CPS1: variants seen among roughly 807,000 people sequenced by gnomAD.
CPS1 encodes the protein carbamoyl-phosphate synthase [ammonia], mitochondrial.
In CPS1, 109 loss-of-function variants were observed where a neutral mutation model predicts 174.6. The observed-to-expected ratio is 0.62, with a 90% CI of 0.53 to 0.73. CPS1 has a LOEUF of 0.73. Among genes scored for constraint, CPS1 ranks in the 30% least tolerant of loss-of-function variants. The pLI, the probability that CPS1 is intolerant of heterozygous loss-of-function variation, is 0.00. For missense variants in CPS1, 1,689 were observed against 1,821.9 expected (o/e 0.93, Z 1.33); for synonymous variants, 637 against 632.0 (o/e 1.01, Z -0.12).
At chr2:210,538,662 T>G (rs1696322546) in intron 1 of CPS1, among the ~76,000 whole-genome samples, 1 of 152,262 alleles carries the variant, frequency 6.6e-6, no homozygotes, top group Non-Finnish European at 1.5e-5. Flanking sequence ...ACTTATTAAC[T>G]TTCAAATTAT....
chr2:210,493,963 G>A (rs1159555046), intron 1 of CPS1, among the ~76,000 whole-genome samples: 1 of 152,152 alleles, frequency 6.6e-6, no homozygotes, highest in Non-Finnish European at 1.5e-5. Context: ...CATCCATCAT[G>A]GTGTCATGTT....
At position 210,642,551 on chromosome 2, in the gene CPS1, G is replaced by T. The variant is rs879257879; in HGVS notation, c.3027G>T (p.Lys1009Asn). ...SIRTLRQLGK[K>N]TVVVNCNPET... ...GCACACTGCGTCAACTTGGCAAGAA[G>T]ACGGTGGTGGTGAATTGCAATCCTG... The change falls in exon 25 of 38, where the codon AAG becomes AAT. Residue 1009 changes from lysine to asparagine, a missense_variant. Lys to Asn is a moderately conservative substitution (Grantham distance 94). Transcript: ENST00000233072. 5.6e-6 allele frequency: 9 copies of T among 1,613,944 alleles called. No homozygotes were observed. The highest frequency in any genetic ancestry group is 7.6e-6 in the Non-Finnish European group (9 of 1,179,946).
chr2:210,511,058 G>T (rs1438214984), intron 1 of CPS1, among the ~76,000 whole-genome samples: 5 of 151,938 alleles, frequency 3.3e-5, no homozygotes, highest in African/African-American at 1.2e-4. Flanking sequence ...TATAAATCAT[G>T]CTGCTATAAA....
At chr2:210,662,675 A>T (rs1280653987) in intron 32 of CPS1, among the ~76,000 whole-genome samples, 1 of 152,266 alleles carries the variant, frequency 6.6e-6, no homozygotes, top group East Asian at 1.9e-4. Context: ...TGGCTTACAG[A>T]CAGCCATTTC....
At chr2:210,510,677 C>A (rs189359016) in intron 1 of CPS1, among the ~76,000 whole-genome samples, 2,416 of 151,944 alleles carry the variant, frequency 0.016, 51 homozygotes, top group African/African-American at 0.05. Flanking sequence ...AGAACTCAAA[C>A]AAATTTACAA....
At chr2:210,557,832 G>T (rs1328418303) in intron 1 of CPS1, among the ~76,000 whole-genome samples, 5 of 152,032 alleles carry the variant, frequency 3.3e-5, no homozygotes, top group Non-Finnish European at 1.5e-5. Context: ...CATGCTCATT[G>T]AGTTGACTAA....
At chr2:210,517,714 G>A (rs1695719140) in intron 1 of CPS1, among the ~76,000 whole-genome samples, 1 of 151,840 alleles carries the variant, frequency 6.6e-6, no homozygotes, top group African/African-American at 2.4e-5. Flanking sequence ...TTTTGTATCT[G>A]AATAATCACA....
intron 1 of CPS1, among the ~76,000 whole-genome samples, chr2:210,501,509 A>T (rs999396032): frequency 4.6e-4 from 70 of 152,290 alleles, no homozygotes; most frequent in African/African-American, 1.4e-3. Context: ...TTTGCTGCTT[A>T]GAAATTTCTT....
intron 1 of CPS1, among the ~76,000 whole-genome samples, chr2:210,533,846 T>G (rs968169282): frequency 5.9e-5 from 9 of 152,176 alleles, no homozygotes; most frequent in African/African-American, 1.9e-4. Flanking sequence ...AAATGATCAT[T>G]CATAAACACT....
intron 1 of CPS1, among the ~76,000 whole-genome samples, chr2:210,504,118 A>C (rs958746202): frequency 6.6e-6 from 1 of 152,138 alleles, no homozygotes; most frequent in South Asian, 2.1e-4. Flanking sequence ...GTGCCAGGAT[A>C]TACCACTGTG....
At chr2:210,632,068 T>C (rs1398468744) in intron 21 of CPS1, among the ~76,000 whole-genome samples, 1 of 152,232 alleles carries the variant, frequency 6.6e-6, no homozygotes, top group Non-Finnish European at 1.5e-5. Context: ...TCAGTATTTA[T>C]ATTTCTTTTA....
chr2:210,613,745 C>T (rs772083044), intron 20 of CPS1, among the ~76,000 whole-genome samples: 14 of 151,896 alleles, frequency 9.2e-5, no homozygotes, highest in Non-Finnish European at 1.6e-4. Context: ...TTCTAACAGA[C>T]TTATAAAAGA....
chr2:210,579,808 G>T (rs753395646), intron 5 of CPS1, 38 bp downstream of exon 5: 1 of 1,526,664 alleles, frequency 6.6e-7, no homozygotes. Flanking sequence ...ATGTTTCTTC[G>T]GGTGTGTGTG....
chr2:210,660,216 G>C (rs1245451778), intron 31 of CPS1, among the ~76,000 whole-genome samples: 3 of 152,104 alleles, frequency 2.0e-5, no homozygotes, highest in Non-Finnish European at 2.9e-5. Flanking sequence ...GAGGGGTATG[G>C]CATTATTTGA....
chr2:210,539,833 C>T (rs1014300032), intron 1 of CPS1, among the ~76,000 whole-genome samples: 1 of 152,170 alleles, frequency 6.6e-6, no homozygotes, highest in African/African-American at 2.4e-5. Flanking sequence ...TTCCTGTACT[C>T]TCAGAACCTC....
At chr2:210,663,292 C>T in intron 33 of CPS1, 95 bp downstream of exon 33, 3 of 1,172,364 alleles carry the variant, frequency 2.6e-6, no homozygotes. Context: ...GGAATAAAAA[C>T]ATCTGCTATC....
intron 19 of CPS1, among the ~76,000 whole-genome samples, chr2:210,610,819 A>G (rs58742595): frequency 0.019 from 2,927 of 151,776 alleles, 101 homozygotes; most frequent in African/African-American, 0.067. Flanking sequence ...TTATAGATAC[A>G]TATTCCTTTG....
At chr2:210,518,457 G>A (rs1168729178) in intron 1 of CPS1, among the ~76,000 whole-genome samples, 3 of 152,016 alleles carry the variant, frequency 2.0e-5, no homozygotes, top group African/African-American at 7.2e-5. Flanking sequence ...CTGGCCAATG[G>A]AATGAAGGTG....
At chr2:210,483,665 A>C (rs988141618) in intron 1 of CPS1, among the ~76,000 whole-genome samples, 1 of 152,186 alleles carries the variant, frequency 6.6e-6, no homozygotes, top group East Asian at 1.9e-4. Context: ...ATAAATTCCT[A>C]ATTTACTCTC....
Sources: gnomAD v4.1 joint callset for allele counts (sites outside exome capture counted in the v4.1 genomes callset) on GRCh38, gnomAD v4.1.1 for gene constraint, MANE v1.5 for transcripts, NCBI Gene and HGNC (gene_info 2026-07-23, HGNC 2026-07-21) for gene names.